CDH18: variants seen among roughly 807,000 people sequenced by gnomAD.
CDH18 encodes the protein cadherin-18.
Under a neutral mutation model 67.9 loss-of-function variants are expected in CDH18, and 31 were observed. The ratio of observed to expected loss-of-function variants is 0.46; its 90% CI spans 0.34 to 0.62. The LOEUF (loss-of-function observed/expected upper bound fraction) is 0.62. CDH18 is among the 20% of genes least tolerant of loss of function. The pLI is 0.01. For missense variants in CDH18, 890 were observed against 975.5 expected (o/e 0.91, Z 1.17); for synonymous variants, 362 against 347.2 (o/e 1.04, Z -0.48).
intron 4 of CDH18, among the ~76,000 whole-genome samples, chr5:19,725,638 G>T (rs544450585): frequency 2.0e-5 from 3 of 152,130 alleles, no homozygotes; most frequent in Non-Finnish European, 1.5e-5. Context: ...ACGTGGTGGT[G>T]CATGCCTGTA....
chr5:19,819,455 T>C (rs1005809706), intron 3 of CDH18, among the ~76,000 whole-genome samples: 1 of 152,136 alleles, frequency 6.6e-6, no homozygotes, highest in African/African-American at 2.4e-5. Context: ...GGAGAAGTGA[T>C]GAAGACACCG....
intron 7 of CDH18, among the ~76,000 whole-genome samples, chr5:19,588,551 A>AAT (rs977190879): frequency 7.9e-5 from 12 of 152,094 alleles, no homozygotes; most frequent in Non-Finnish European, 1.3e-4. Flanking sequence ...CACTCATAAC[A>AAT]ATACTAACAT....
chr5:20,524,504 T>A lies in CDH18; in HGVS notation c.-580+50958A>T, dbSNP rs537039743. On this transcript the variant is annotated intron_variant, in intron 1 of 14. Coordinates refer to the CDH18 transcript ENST00000507958. ...GCAGCTACTTCTTTATTAATATGTG[T>A]ACATTATCATTATTTAATATATCAG... 2.6e-5 allele frequency among the ~76,000 whole-genome samples: 4 copies of A among 152,316 alleles called. No individual in the cohort carries two copies. The South Asian group carries it at 8.3e-4, about 32-fold the overall frequency.
At chr5:19,653,861 C>A (rs568070950) in intron 5 of CDH18, among the ~76,000 whole-genome samples, 15 of 152,098 alleles carry the variant, frequency 9.9e-5, no homozygotes, top group Non-Finnish European at 2.2e-4. Flanking sequence ...CATGCCTTTG[C>A]CTGAGAAGGG....
At chr5:19,889,888 T>A (rs1475626413) in intron 2 of CDH18, among the ~76,000 whole-genome samples, 1 of 152,188 alleles carries the variant, frequency 6.6e-6, no homozygotes, top group Admixed American at 6.5e-5. Context: ...TTACATGCGA[T>A]ATCATATAAA....
chr5:19,619,433 G>A (rs1270737954), intron 5 of CDH18, among the ~76,000 whole-genome samples: 3 of 152,128 alleles, frequency 2.0e-5, no homozygotes, highest in Admixed American at 2.0e-4. Flanking sequence ...TACCTGTGGG[G>A]GAAGGCCATG....
In CDH18 at chr5:20,311,082, T is replaced by TA. The variant is rs1472878594; in HGVS notation, c.-579-55578dup. ...CAATATTGTATACACCCCTGACCCTTAAAAAACAAAACAAAACAAAAACAA... is the reference window on the plus strand; with the variant it reads ...CAATATTGTATACACCCCTGACCCTTAAAAAAACAAAACAAAACAAAAACAA... On this transcript the variant is annotated intron_variant, in intron 1 of 14. Transcript: ENST00000507958. 2.0e-5 allele frequency among the ~76,000 whole-genome samples: 3 copies of TA among 151,894 alleles called. No individual in the cohort carries two copies. In the East Asian group the frequency reaches 5.8e-4, roughly 29 times the overall value.
At chr5:20,111,834 C>A (rs1192654170) in intron 2 of CDH18, among the ~76,000 whole-genome samples, 3 of 151,996 alleles carry the variant, frequency 2.0e-5, no homozygotes, top group African/African-American at 7.2e-5. Context: ...TGAGCCACCA[C>A]GCCCAGCTGA....
chr5:20,512,049 C>G (rs180723204), intron 1 of CDH18, among the ~76,000 whole-genome samples: 1 of 151,884 alleles, frequency 6.6e-6, no homozygotes, highest in Non-Finnish European at 1.5e-5. Context: ...AGTGAAACCC[C>G]ATCTCTACTA....
At chr5:20,433,725 T>G (rs921698414) in intron 1 of CDH18, among the ~76,000 whole-genome samples, 10 of 151,970 alleles carry the variant, frequency 6.6e-5, no homozygotes, top group East Asian at 3.9e-4. Context: ...TATTTACAAC[T>G]GATCTTCAAA....
chr5:19,499,472 T>G (rs980961495), intron 11 of CDH18, among the ~76,000 whole-genome samples: 5 of 152,074 alleles, frequency 3.3e-5, no homozygotes, highest in African/African-American at 1.2e-4. Context: ...TACATATATA[T>G]CATTAAATTT....
At chr5:19,655,589 T>G (rs1388191929) in intron 5 of CDH18, among the ~76,000 whole-genome samples, 1 of 149,134 alleles carries the variant, frequency 6.7e-6, no homozygotes, top group Non-Finnish European at 1.5e-5. Flanking sequence ...TTTCTTTCTC[T>G]CATATTTAGT....
intron 7 of CDH18, among the ~76,000 whole-genome samples, chr5:19,572,563 C>G (rs1435791580): frequency 6.6e-6 from 1 of 152,160 alleles, no homozygotes; most frequent in Admixed American, 6.5e-5. Context: ...CCAACATCAA[C>G]GTTCCTTTCA....
At position 20,538,898 on chromosome 5, in the gene CDH18, G is replaced by GTTTTTTTTTTTTTTT. The variant is rs376091293; in HGVS notation, c.-580+36563_-580+36564insAAAAAAAAAAAAAAA. ...TGGATATACATCCACATAGCCAACT[G>GTTTTTTTTTTTTTTT]TTTTTTTTTTGTTTTTTTTTTTTTT... is the stretch of plus-strand genomic sequence containing the variant. On this transcript the variant is annotated intron_variant, in intron 1 of 14. Coordinates refer to the CDH18 transcript ENST00000507958. Among the ~76,000 whole-genome samples the GTTTTTTTTTTTTTTT allele has an allele frequency of 1.9e-5, 2 of 106,764 alleles. 1 individual carries two copies. The allele number at this position is 106,764 out of a possible 152,430, so 70.0% of individuals were successfully genotyped here. A position where few individuals can be genotyped will look rare whatever the true frequency, so the allele number is the denominator to read the frequency against.
intron 1 of CDH18, among the ~76,000 whole-genome samples, chr5:20,574,683 T>A (rs1256882964): frequency 2.0e-5 from 3 of 152,094 alleles, no homozygotes; most frequent in Non-Finnish European, 4.4e-5. Context: ...GATATCATTT[T>A]AAAAAACTCT....
At chr5:20,059,549 G>A (rs1026801035) in intron 2 of CDH18, among the ~76,000 whole-genome samples, 5 of 152,216 alleles carry the variant, frequency 3.3e-5, no homozygotes, top group African/African-American at 1.2e-4. Flanking sequence ...TGGTTTGACA[G>A]TGTGGCAATT....
chr5:20,404,132 T>A (rs1430287551), intron 1 of CDH18, among the ~76,000 whole-genome samples: 1 of 152,198 alleles, frequency 6.6e-6, no homozygotes, highest in Non-Finnish European at 1.5e-5. Flanking sequence ...TCAGTCTTCA[T>A]AGAGTTGAAG....
intron 1 of CDH18, among the ~76,000 whole-genome samples, chr5:20,328,508 TGAGAGAGA>T (rs1186669088): frequency 3.6e-5 from 4 of 112,012 alleles, no homozygotes; most frequent in African/African-American, 8.6e-5. Context: ...TGTGTGTGTG[TGAGAGAGA>T]GAGAGAGAGA....
At chr5:19,923,811 C>A (rs1792775401) in intron 2 of CDH18, among the ~76,000 whole-genome samples, 1 of 152,142 alleles carries the variant, frequency 6.6e-6, no homozygotes, top group South Asian at 2.1e-4. Context: ...TCAAAATATA[C>A]TCTTCTCAAA....
Sources: allele counts gnomAD v4.1 joint callset (sites outside exome capture counted in the v4.1 genomes callset), GRCh38; gene constraint gnomAD v4.1.1; transcripts MANE v1.5; gene names NCBI Gene and HGNC (gene_info 2026-07-23, HGNC 2026-07-21).